Variants in MLXIPL observed in about 807,000 individuals in gnomAD.
MLXIPL encodes the protein MLX interacting protein like, also known as carbohydrate-responsive element-binding protein.
In MLXIPL, 49 loss-of-function variants were observed where a neutral mutation model predicts 81.5. That is an observed-to-expected ratio of 0.60 (90% CI 0.48 to 0.76). MLXIPL has a LOEUF of 0.76. Ranked by LOEUF, MLXIPL falls within the 30% of genes least tolerant of loss-of-function variation. The pLI is 0.00. For missense variants in MLXIPL, 1,053 were observed against 1,167.0 expected, an observed-to-expected ratio of 0.90 and a Z score of 1.42; for synonymous variants, 466 against 485.5, an observed-to-expected ratio of 0.96 and a Z score of 0.53.
chr7:73,632,318 T>G, the MLXIPL span, among the ~76,000 whole-genome samples: 1 of 152,084 alleles, frequency 6.6e-6, no homozygotes, highest in East Asian at 1.9e-4. Flanking sequence ...TGTTTCCTTA[T>G]CTGGATTCTG....
At chr7:73,603,031 C>T (rs1795005260) in intron 7 of MLXIPL, among the ~76,000 whole-genome samples, 1 of 152,214 alleles carries the variant, frequency 6.6e-6, no homozygotes, top group Admixed American at 6.5e-5. Context: ...TCTGTCCCCT[C>T]CACGGACCTG....
the MLXIPL span, among the ~76,000 whole-genome samples, chr7:73,632,493 C>T: frequency 2.0e-5 from 3 of 152,318 alleles, no homozygotes; most frequent in East Asian, 5.8e-4. Flanking sequence ...TTCGCCCTTA[C>T]AAGGTAGTGT....
chr7:73,634,839 G>A, the MLXIPL span, among the ~76,000 whole-genome samples: 11 of 87,974 alleles, frequency 1.3e-4, no homozygotes, highest in East Asian at 2.6e-3. Context: ...ATTTTGAGAC[G>A]GAGTCTCATT....
Position 73,599,637 on chromosome 7 carries a change from G to A in MLXIPL, c.960C>T (p.Pro320=), listed in dbSNP as rs782113602. The A allele has an allele frequency of 1.9e-5, 30 of 1,609,720 alleles. No homozygotes were observed. The South Asian group carries it at 2.5e-4, about 14-fold the overall frequency. Residue 320 remains proline (P), a synonymous_variant, in exon 8 of 17, where the codon CCC becomes CCT. Transcript: ENST00000313375. ...AGTCAACCACGGGGCTGAAGCTGGG[G>A]GGCTCTGGGAAGTTTGAAGGCATGG... ...QPPMPSNFPE[P]PSFSPVVDSL... is the part of the protein sequence containing the mutation.
chr7:73,597,146 T>C, intron 9 of MLXIPL, 36 bp downstream of exon 9: 2 of 1,169,658 alleles, frequency 1.7e-6, no homozygotes, highest in Non-Finnish European at 1.2e-6. Context: ...CTGGCCTCCC[T>C]CCCCAGGCTT....
At chr7:73,639,173 A>C in the MLXIPL span, among the ~76,000 whole-genome samples, 2 of 152,160 alleles carry the variant, frequency 1.3e-5, no homozygotes, top group African/African-American at 4.8e-5. Flanking sequence ...GGGAGGCTTA[A>C]AACCCCATCC....
intron 16 of MLXIPL, 47 bp from the exon 17 acceptor site, chr7:73,594,030 G>C: frequency 6.4e-7 from 1 of 1,550,632 alleles, no homozygotes; most frequent in Non-Finnish European, 8.9e-7. Flanking sequence ...CTGGGGTCAG[G>C]GCCCTACCCT....
rs371240168 is a variant in MLXIPL, at chr7:73,599,619, C to T, written c.978G>A (p.Val326=). The change falls in exon 8 of 17, where the codon GTG becomes GTA. Residue 326 remains valine (V), a synonymous_variant. Transcript: ENST00000313375. ...TCCCACTGCTGAAGAGGGAGTCAAC[C>T]ACGGGGCTGAAGCTGGGGGGCTCTG... The part of the protein sequence containing the change: ...NFPEPPSFSP[V]VDSLFSSGTL... 1.8e-5 allele frequency: 29 copies of T among 1,610,928 alleles called. No individual in the cohort carries two copies. The highest frequency in any genetic ancestry group is 2.4e-5 in the Non-Finnish European group (28 of 1,178,212).
chr7:73,594,585 G>GT (rs1393012757), intron 15 of MLXIPL, among the ~76,000 whole-genome samples, 182 bp from the exon 16 acceptor site: 1 of 151,370 alleles, frequency 6.6e-6, no homozygotes, highest in Non-Finnish European at 1.5e-5. Context: ...GTCTCGCTCT[G>GT]TCACCCAGGC....
chr7:73,624,099 T>C, intron 1 of MLXIPL, 101 bp downstream of exon 1: 1 of 1,413,048 alleles, frequency 7.1e-7, no homozygotes, highest in Non-Finnish European at 9.3e-7. Context: ...AGGACCGGGC[T>C]CGGGTGGGGT....
chr7:73,629,017 G>A (rs1162072400), upstream of MLXIPL, among the ~76,000 whole-genome samples: 1 of 151,694 alleles, frequency 6.6e-6, no homozygotes, highest in Non-Finnish European at 1.5e-5. Context: ...GGTTATTTCT[G>A]AGTTCCCACC....
intron 15 of MLXIPL, 36 bp from the exon 16 acceptor site, chr7:73,594,439 T>C (rs1554592987): frequency 1.7e-5 from 27 of 1,599,040 alleles, no homozygotes; most frequent in Non-Finnish European, 2.2e-5. Context: ...GTGGTCCAGC[T>C]GGTCCCCCCA....
At chr7:73,640,594 T>G in the MLXIPL span, among the ~76,000 whole-genome samples, 1 of 151,486 alleles carries the variant, frequency 6.6e-6, no homozygotes, top group Non-Finnish European at 1.5e-5. Flanking sequence ...CTGGCCAACA[T>G]GATGAAACCC....
chr7:73,614,092 T>C (rs1795858749), intron 2 of MLXIPL, among the ~76,000 whole-genome samples: 1 of 152,092 alleles, frequency 6.6e-6, no homozygotes, highest in Admixed American at 6.6e-5. Context: ...AAAGTTCTTC[T>C]TGCCCCAGGA....
At chr7:73,607,891 T>C (rs537897644) in intron 2 of MLXIPL, among the ~76,000 whole-genome samples, 3 of 140,128 alleles carry the variant, frequency 2.1e-5, no homozygotes, top group Admixed American at 7.2e-5. Context: ...GGTTTCACTC[T>C]TGTTGCCCAG....
intron 5 of MLXIPL, 57 bp from the exon 6 acceptor site, chr7:73,606,168 A>G (rs1795267042): frequency 1.3e-6 from 2 of 1,517,572 alleles, no homozygotes; most frequent in Admixed American, 2.0e-5. Context: ...CCGATCTTCC[A>G]TATCACCCCT....
intron 2 of MLXIPL, among the ~76,000 whole-genome samples, chr7:73,608,831 T>G (rs1212317956): frequency 6.6e-6 from 1 of 152,118 alleles, no homozygotes; most frequent in Non-Finnish European, 1.5e-5. Flanking sequence ...CTTTTTTGTT[T>G]TTGTTGTTGT....
At chr7:73,626,730 T>C (rs915228504), upstream of MLXIPL, among the ~76,000 whole-genome samples, 4 of 152,142 alleles carry the variant, frequency 2.6e-5, no homozygotes. Flanking sequence ...TCTAGTAGAT[T>C]TCCAGATTTC....
the MLXIPL span, among the ~76,000 whole-genome samples, chr7:73,635,088 A>G: frequency 1.3e-5 from 2 of 152,010 alleles, no homozygotes; most frequent in Non-Finnish European, 2.9e-5. Context: ...GGCTTCCCAA[A>G]GTGCCAGGAT....
Sources: gnomAD v4.1 joint callset for allele counts (sites outside exome capture counted in the v4.1 genomes callset) on GRCh38, gnomAD v4.1.1 for gene constraint, MANE v1.5 for transcripts, NCBI Gene and HGNC (gene_info 2026-07-23, HGNC 2026-07-21) for gene names.